DEDD: variants seen among roughly 807,000 people sequenced by gnomAD.
DEDD encodes death effector domain containing, also known as death effector domain-containing protein.
A neutral mutation model predicts 29.2 loss-of-function variants in DEDD; 3 were observed. The observed-to-expected ratio is 0.10, with a 90% CI of 0.05 to 0.27. DEDD has a LOEUF of 0.27. Ranked by LOEUF, DEDD falls within the 10% of genes least tolerant of loss-of-function variation. The probability of loss-of-function intolerance (pLI) is 1.00; values close to 1 mark genes in which losing one functional copy is unlikely to be tolerated. For synonymous variants in DEDD, 152 were observed against 161.3 expected, an observed-to-expected ratio of 0.94 and a Z score of 0.44; for missense variants, 261 against 420.5, an observed-to-expected ratio of 0.62 and a Z score of 3.32.
chr1:161,125,471 G>A (rs1314670750), intron 2 of DEDD: 2 of 151,894 alleles, frequency 1.3e-5, no homozygotes, highest in African/African-American at 4.8e-5. Flanking sequence ...TATGCCATTT[G>A]TACTCCCTTG....
At position 161,123,139 on chromosome 1, in the gene DEDD, T is replaced by C; in HGVS notation, c.516A>G (p.Thr172=). 6.2e-7 allele frequency: 1 copy of C among 1,614,208 alleles called. No homozygotes were observed. The highest frequency in any genetic ancestry group is 8.5e-7 in the Non-Finnish European group (1 of 1,180,050). The change falls in exon 5 of 6, where the codon ACA becomes ACG. Residue 172 remains threonine, a synonymous_variant. Transcript: ENST00000368006. ...CSKRPARGRA[T]LGSQRKRRKS... The stretch of plus-strand genomic sequence containing the variant: ...TCCGGCGTTTTCGCTGGCTCCCAAG[T>C]GTGGCTCTCCCTCGGGCTGGCCGCT...
chr1:161,127,171 C>T (rs907037821), intron 2 of DEDD, among the ~76,000 whole-genome samples: 1 of 152,140 alleles, frequency 6.6e-6, no homozygotes. Flanking sequence ...GAGATCACCT[C>T]AAGCAATTCC....
intron 2 of DEDD, chr1:161,125,216 A>G (rs1405811751): frequency 6.6e-6 from 1 of 152,224 alleles, no homozygotes; most frequent in African/African-American, 2.4e-5. Context: ...ATGAATGAAT[A>G]TACACCTCAG....
At chr1:161,126,535 G>T (rs1656191257) in intron 2 of DEDD, among the ~76,000 whole-genome samples, 1 of 151,728 alleles carries the variant, frequency 6.6e-6, no homozygotes, top group African/African-American at 2.4e-5. Flanking sequence ...GTAGAGACGG[G>T]GTTTCACCAT....
intron 2 of DEDD, among the ~76,000 whole-genome samples, chr1:161,129,163 A>T (rs144388966): frequency 6.6e-6 from 1 of 152,206 alleles, no homozygotes; most frequent in Admixed American, 6.5e-5. Flanking sequence ...TGAAGCAAAC[A>T]TAGAAATATG....
intron 2 of DEDD, among the ~76,000 whole-genome samples, chr1:161,129,071 G>C (rs1656412937): frequency 6.6e-6 from 1 of 152,144 alleles, no homozygotes; most frequent in African/African-American, 2.4e-5. Flanking sequence ...TAAGCCTCAG[G>C]GTCATCTTTA....
Position 161,122,641 on chromosome 1 carries a change from C to CT in DEDD, c.581-119dup, listed in dbSNP as rs1252227274. ...AAAAGTAGGGAATATCACCTGACAGCTTCTCTACCTCTTCCCCAGGACTAT... is the reference window on the plus strand; with the variant it reads ...AAAAGTAGGGAATATCACCTGACAGCTTTCTCTACCTCTTCCCCAGGACTAT... On this transcript the variant is annotated intron_variant, in intron 5 of 5. Coordinates refer to ENST00000368006, the MANE Select transcript of DEDD (RefSeq NM_032998.3). The surrounding 1 kb of genome is among the most constrained non-coding windows in gnomAD (Gnocchi z 4.2). 1 of 1,261,224 alleles carries CT rather than the reference C, an allele frequency of 7.9e-7. No homozygotes were observed. The highest frequency in any genetic ancestry group is 1.1e-6 in the Non-Finnish European group (1 of 919,174). 78.1% of individuals were successfully genotyped at this position (1,261,224 alleles called of 1,614,324 possible). A position where few individuals can be genotyped will look rare whatever the true frequency, so the allele number is the denominator to read the frequency against.
At position 161,123,876 on chromosome 1, in the gene DEDD, A is replaced by T. The variant is rs1655848745; in HGVS notation, c.396T>A (p.Ser132Arg). 1 of 1,613,960 alleles carries T rather than the reference A, an allele frequency of 6.2e-7. No individual in the cohort carries two copies. Among genetic ancestry groups the T allele is most frequent in the South Asian group, 1.1e-5 (1 of 91,086 alleles). Reference protein sequence around the residue: ...SIRYVTPRALSDPEPRPPQPS... With the variant: ...SIRYVTPRALRDPEPRPPQPS... ...GCTGGGGAGGCCTTGGTTCTGGATC[A>T]CTGAGGGCTCTGGGGGTCACATAGC... is the stretch of plus-strand genomic sequence containing the variant. Residue 132 changes from serine (S) to arginine (R), a missense_variant, in exon 4 of 6, where the codon AGT becomes AGA. Ser to Arg is a moderately radical substitution (Grantham distance 110, BLOSUM62 -1). Transcript: ENST00000368006.
At chr1:161,123,016 C>A (rs1655693894) in intron 5 of DEDD, 59 bp downstream of exon 5, 1 of 1,614,112 alleles carries the variant, frequency 6.2e-7, no homozygotes, top group Admixed American at 1.7e-5. Context: ...AGTGTCCCAG[C>A]AGTTCTTTAT....
Position 161,126,494 on chromosome 1 carries a change from C to CT in DEDD, c.-64-1969_-64-1968insA, listed in dbSNP as rs1656186707. ...GAGTAGCTGGGACTACAGGCACCCA[C>CT]CACCACGCCCAGCTACTTTTTGTAT... On this transcript the variant is annotated intron_variant, in intron 2 of 5. Coordinates refer to ENST00000368006, the MANE Select transcript of DEDD (RefSeq NM_032998.3). Among the ~76,000 whole-genome samples, 4 of 152,062 alleles carry CT rather than the reference C, an allele frequency of 2.6e-5. No homozygotes were observed. The East Asian group carries it at 7.7e-4, about 29-fold the overall frequency.
chr1:161,122,644 C>T lies in DEDD; in HGVS notation c.581-121G>A. 8.0e-7 allele frequency: 1 copy of T among 1,254,632 alleles called. No homozygotes were observed. Among genetic ancestry groups the T allele is most frequent in the East Asian group, 2.4e-5 (1 of 42,550 alleles). The allele number at this position is 1,254,632 out of a possible 1,614,324, so 77.7% of individuals were successfully genotyped here. A position where few individuals can be genotyped will look rare whatever the true frequency, so the allele number is the denominator to read the frequency against. On this transcript the variant is annotated intron_variant, in intron 5 of 5. Transcript: ENST00000368006. The surrounding 1 kb of genome is among the most constrained non-coding windows in gnomAD (Gnocchi z 4.2). ...AGTAGGGAATATCACCTGACAGCTT[C>T]TCTACCTCTTCCCCAGGACTATTTC...
At position 161,121,100 on chromosome 1, in the gene DEDD, G is replaced by C. The variant is rs1557974397; in HGVS notation, c.*1047C>G. 1.6e-5 allele frequency: 19 copies of C among 1,152,886 alleles called. No individual in the cohort carries two copies. The highest frequency in any genetic ancestry group is 2.0e-5 in the Non-Finnish European group (19 of 928,422). The allele number at this position is 1,152,886 out of a possible 1,614,324, so 71.4% of individuals were successfully genotyped here. A position where few individuals can be genotyped will look rare whatever the true frequency, so the allele number is the denominator to read the frequency against. On this transcript the variant is annotated 3_prime_UTR_variant, in exon 6 of 6. Coordinates refer to ENST00000368006, the MANE Select transcript of DEDD (RefSeq NM_032998.3). ...GGACATCGCCTTTGGGAACTAGAAG[G>C]GGAGTTGGTATTGTACCAGCTGGAC...
intron 2 of DEDD, among the ~76,000 whole-genome samples, chr1:161,128,103 T>C (rs576749694): frequency 2.2e-4 from 33 of 152,308 alleles, no homozygotes; most frequent in Admixed American, 2.0e-3. Flanking sequence ...ACAAACACAC[T>C]AGCCACCTTT....
intron 4 of DEDD, 147 bp downstream of exon 4, chr1:161,123,692 A>G (rs1571221772): frequency 2.9e-6 from 2 of 682,422 alleles, no homozygotes; most frequent in African/African-American, 1.8e-5. Context: ...CCTAGGAGAA[A>G]TGTCACCTCG....
chr1:161,124,339 C>T lies in DEDD; in HGVS notation c.124G>A (p.Val42Met). The T allele has an allele frequency of 6.2e-7, 1 of 1,614,248 alleles. No individual in the cohort carries two copies. Among genetic ancestry groups the T allele is most frequent in the Non-Finnish European group, 8.5e-7 (1 of 1,180,052 alleles). ...ACAAAGAGGAAAGAAAGCACGCGCA[C>T]ATCTCTGTGTGTCAGATGAGTGCCC... Reference protein sequence around the residue: ...IVGTHLTHRDVRVLSFLFVDV... With the variant: ...IVGTHLTHRDMRVLSFLFVDV... Residue 42 changes from valine to methionine, a missense_variant, in exon 3 of 6, where the codon GTG becomes ATG. Physicochemically the swap from Val to Met is conservative, Grantham distance 21. Around this residue, in one of 2 missense-constraint regions of DEDD, gnomAD observed 203 missense variants for 268.7 expected, o/e 0.76. Coordinates refer to ENST00000368006, the MANE Select transcript of DEDD (RefSeq NM_032998.3).
At chr1:161,125,834 G>A (rs1025738837) in intron 2 of DEDD, among the ~76,000 whole-genome samples, 1 of 152,060 alleles carries the variant, frequency 6.6e-6, no homozygotes, top group Non-Finnish European at 1.5e-5. Flanking sequence ...TTTCCTCATG[G>A]ATGTCATTTA....
Position 161,122,378 on chromosome 1 carries a change from G to A in DEDD, c.726C>T (p.Gly242=). 6.2e-7 allele frequency: 1 copy of A among 1,614,196 alleles called. No homozygotes were observed. Residue 242 remains glycine (G), a synonymous_variant, in exon 6 of 6, where the codon GGC becomes GGT. Coordinates refer to ENST00000368006, the MANE Select transcript of DEDD (RefSeq NM_032998.3). The surrounding 1 kb of genome is among the most constrained non-coding windows in gnomAD (Gnocchi z 4.2). The part of the protein sequence containing the change: ...ANTILKSRDL[G]SIICDIKFSE... ...AGAACTTGATGTCACAGATGATGGA[G>A]CCCAGGTCCCGGGACTTGAGGATGG...
rs775415475 is a variant in DEDD at position 161,122,489 on chromosome 1, C to T, written c.615G>A (p.Gln205=). The T allele has an allele frequency of 3.7e-6, 6 of 1,614,042 alleles. No homozygotes were observed. The South Asian group carries it at 6.6e-5, about 18-fold the overall frequency. The stretch of plus-strand genomic sequence containing the variant: ...CATTGCCCTGCAGAGCAGTCTCATG[C>T]TGGCAGTATTCAGCCCGAACCCGCA... ...IRLRVRAEYC[Q]HETALQGNVF... The change falls in exon 6 of 6, where the codon CAG becomes CAA. Residue 205 remains glutamine, a synonymous_variant. Transcript: ENST00000368006. This position sits in a 1 kb window ranked among gnomAD's most constrained non-coding sequence, Gnocchi z 4.2.
chr1:161,131,135 C>T (rs956353313), intron 1 of DEDD: 4 of 152,178 alleles, frequency 2.6e-5, no homozygotes, highest in Non-Finnish European at 5.9e-5. Context: ...TCTGGGAAAA[C>T]CAATTACCCT....
Sources: gnomAD v4.1 joint callset for allele counts (sites outside exome capture counted in the v4.1 genomes callset) on GRCh38, gnomAD v4.1.1 for gene constraint, gnomAD v4.1.1 regional missense constraint, Gnocchi (gnomAD v3.1) non-coding constraint, MANE v1.5 for transcripts, NCBI Gene and HGNC (gene_info 2026-07-23, HGNC 2026-07-21) for gene names.